Variants in ADCK1 observed in about 807,000 individuals in gnomAD.
The protein encoded by ADCK1 is aarF domain containing kinase 1, also known as aarF domain-containing protein kinase 1.
Under a neutral mutation model 52.3 loss-of-function variants are expected in ADCK1, and 41 were observed. The observed-to-expected ratio is 0.78, with a 90% CI of 0.61 to 1.02. The LOEUF is 1.02. Among genes scored for constraint, ADCK1 ranks in the 50% least tolerant of loss-of-function variants. ADCK1 has a pLI of 0.00. For missense variants in ADCK1, 658 were observed against 679.5 expected (o/e 0.97, Z 0.35); for synonymous variants, 250 against 274.6 (o/e 0.91, Z 0.89).
intron 3 of ADCK1, among the ~76,000 whole-genome samples, chr14:77,834,965 A>G (rs1201141911): frequency 2.0e-5 from 3 of 152,020 alleles, no homozygotes; most frequent in Non-Finnish European, 4.4e-5. Flanking sequence ...TGGGCTTTTC[A>G]TTGCTGATTG....
chr14:77,865,119 TA>T (rs976030025), intron 4 of ADCK1, among the ~76,000 whole-genome samples: 22 of 139,154 alleles, frequency 1.6e-4, no homozygotes, highest in East Asian at 4.1e-4. Flanking sequence ...CCATCTCTGT[TA>T]AAAAAAAAAG....
rs560615186 is a variant in ADCK1, at chr14:77,899,599, C to T, written c.741+341C>T. ...GTGATGATGATGGCGATGCTGATAGCTAACACTACTGTACGCTGGGACTGT... is the reference window on the plus strand; with the variant it reads ...GTGATGATGATGGCGATGCTGATAGTTAACACTACTGTACGCTGGGACTGT... On this transcript the variant is annotated intron_variant, in intron 6 of 10. Transcript: ENST00000238561. Among the ~76,000 whole-genome samples the T allele has an allele frequency of 3.2e-3, 486 of 152,352 alleles. 4 individuals are homozygous for T. The highest frequency in any genetic ancestry group is 0.011 in the African/African-American group (470 of 41,580).
chr14:77,898,104 A>G (rs560149027), intron 5 of ADCK1, among the ~76,000 whole-genome samples: 2 of 152,174 alleles, frequency 1.3e-5, no homozygotes, highest in Admixed American at 6.5e-5. Context: ...CAAAAAAATT[A>G]AAAAAATTAG....
intron 3 of ADCK1, among the ~76,000 whole-genome samples, chr14:77,840,390 C>T (rs1004806524): frequency 6.6e-6 from 1 of 151,974 alleles, no homozygotes; most frequent in African/African-American, 2.4e-5. Flanking sequence ...CTCATGGTCC[C>T]ATTCCTCCAT....
rs200983054 is a variant in ADCK1 at position 77,887,178 on chromosome 14, C to T, written c.511C>T (p.Arg171Trp). The change falls in exon 5 of 11, where the codon CGG (arginine) becomes TGG (tryptophan). Residue 171 changes from arginine to tryptophan, a missense_variant. Arg to Trp is a moderately radical substitution (Grantham distance 101, BLOSUM62 -3). Transcript: ENST00000238561. ...CCACAAGGCAGTGCTGCATGATGGG[C>T]GGACGGTGGCCGTGAAGGTCCAGCA... The part of the protein sequence containing the change: ...QVHKAVLHDG[R>W]TVAVKVQHPK... 6.2e-5 allele frequency: 100 copies of T among 1,610,166 alleles called. No homozygotes were observed. Among genetic ancestry groups the T allele is most frequent in the Non-Finnish European group, 7.4e-5 (87 of 1,178,160 alleles).
At chr14:77,908,670 T>G (rs898045788) in intron 7 of ADCK1, among the ~76,000 whole-genome samples, 38 of 152,280 alleles carry the variant, frequency 2.5e-4, no homozygotes, top group African/African-American at 8.9e-4. Flanking sequence ...GCATTACAGG[T>G]GTGAGCCACG....
At chr14:77,870,270 G>C (rs1207288918) in intron 4 of ADCK1, among the ~76,000 whole-genome samples, 1 of 152,206 alleles carries the variant, frequency 6.6e-6, no homozygotes, top group Non-Finnish European at 1.5e-5. Flanking sequence ...ACCAGGATTT[G>C]AGCTCTGATG....
At chr14:77,852,660 AATATATATATATATATATAT>A (rs370053776) in intron 3 of ADCK1, among the ~76,000 whole-genome samples, 3 of 31,744 alleles carry the variant, frequency 9.5e-5, no homozygotes, top group Non-Finnish European at 2.0e-4. Flanking sequence ...TAAATAAATA[AATATATATATATATATATAT>A]ATATATATAT....
chr14:77,854,126 G>A (rs2082368052), intron 3 of ADCK1, among the ~76,000 whole-genome samples: 1 of 152,202 alleles, frequency 6.6e-6, no homozygotes, highest in African/African-American at 2.4e-5. Flanking sequence ...GAAATGTCAA[G>A]GTTGACATCA....
At chr14:77,848,164 C>G (rs1345817811) in intron 3 of ADCK1, among the ~76,000 whole-genome samples, 1 of 152,178 alleles carries the variant, frequency 6.6e-6, no homozygotes, top group Non-Finnish European at 1.5e-5. Flanking sequence ...CTTGGCTTCC[C>G]AAAGTGCTTG....
At chr14:77,924,407 G>A (rs117945444) in intron 7 of ADCK1, 50 bp from the exon 8 acceptor site, 17,418 of 1,603,260 alleles carry the variant, frequency 0.011, 116 homozygotes, top group Non-Finnish European at 0.013. Context: ...GAGGTCCCTC[G>A]GATAGATGTG....
At chr14:77,831,783 G>A (rs1234783503) in intron 3 of ADCK1, among the ~76,000 whole-genome samples, 2 of 152,060 alleles carry the variant, frequency 1.3e-5, no homozygotes, top group Admixed American at 1.3e-4. Context: ...CATGGGATAT[G>A]GTAGAGTGTT....
At chr14:77,917,283 G>A (rs1266947765) in intron 7 of ADCK1, among the ~76,000 whole-genome samples, 1 of 152,006 alleles carries the variant, frequency 6.6e-6, no homozygotes, top group Non-Finnish European at 1.5e-5. Flanking sequence ...GCCTCAAAAA[G>A]CCTGGGCAGA....
intron 3 of ADCK1, among the ~76,000 whole-genome samples, chr14:77,851,276 C>G (rs2082279419): frequency 6.6e-6 from 1 of 151,986 alleles, no homozygotes; most frequent in East Asian, 1.9e-4. Flanking sequence ...TGCCACCACG[C>G]CTGGCTAATT....
In ADCK1 at chr14:77,814,525, C is replaced by T. The variant is rs533433992; in HGVS notation, c.-11-4443C>T. ...CCAAGGTGGGTGGATCGCTTGAGCT[C>T]AGGAGTTGGAGACCAGCCTGAGCAA... On this transcript the variant is annotated intron_variant, in intron 1 of 10. Transcript: ENST00000238561. 9.2e-4 allele frequency among the ~76,000 whole-genome samples: 139 copies of T among 151,312 alleles called. 1 individual carries two copies. Among genetic ancestry groups the T allele is most frequent in the South Asian group, 6.9e-3 (33 of 4,796 alleles).
chr14:77,915,293 A>C (rs2083893403), intron 7 of ADCK1, among the ~76,000 whole-genome samples: 1 of 150,490 alleles, frequency 6.6e-6, no homozygotes, highest in Non-Finnish European at 1.5e-5. Context: ...TTGACTCGTT[A>C]TTTAACATTA....
chr14:77,928,737 G>A (rs2084255937), intron 9 of ADCK1, among the ~76,000 whole-genome samples: 1 of 152,132 alleles, frequency 6.6e-6, no homozygotes, highest in African/African-American at 2.4e-5. Flanking sequence ...TGGGATTACA[G>A]TCATGAGCCA....
At chr14:77,824,625 G>T (rs1435617569) in intron 3 of ADCK1, among the ~76,000 whole-genome samples, 1 of 151,708 alleles carries the variant, frequency 6.6e-6, no homozygotes, top group African/African-American at 2.4e-5. Context: ...GTAGAGACTG[G>T]GTTTCATCGT....
At chr14:77,800,745 C>T (rs1033480565) in intron 1 of ADCK1, among the ~76,000 whole-genome samples, 1 of 152,190 alleles carries the variant, frequency 6.6e-6, no homozygotes, top group African/African-American at 2.4e-5. Flanking sequence ...TGGAGAGCAA[C>T]CTTTAGATAA....
Sources: gnomAD v4.1 joint callset for allele counts (sites outside exome capture counted in the v4.1 genomes callset) on GRCh38, gnomAD v4.1.1 for gene constraint, MANE v1.5 for transcripts, NCBI Gene and HGNC (gene_info 2026-07-23, HGNC 2026-07-21) for gene names.